The following GLDC variants were observed in gnomAD, a reference collection of about 807,000 sequenced individuals.
GLDC encodes glycine dehydrogenase (decarboxylating), mitochondrial.
Under a neutral mutation model 121.3 loss-of-function variants are expected in GLDC, and 104 were observed. The ratio of observed to expected loss-of-function variants is 0.86; its 90% CI spans 0.73 to 1.01. GLDC has a LOEUF of 1.01. GLDC is among the 50% of genes least tolerant of loss of function. The pLI, the probability that GLDC is intolerant of heterozygous loss-of-function variation, is 0.00. For missense variants in GLDC, 1,429 were observed against 1,306.6 expected, an observed-to-expected ratio of 1.09 and a Z score of -1.44; for synonymous variants, 546 against 480.6, an observed-to-expected ratio of 1.14 and a Z score of -1.78.
At chr9:6,538,086 C>G (rs1410639701) in intron 22 of GLDC, among the ~76,000 whole-genome samples, 1 of 151,878 alleles carries the variant, frequency 6.6e-6, no homozygotes. Flanking sequence ...AATGCATACA[C>G]CTTTGTCACT....
At chr9:6,594,928 T>C (rs112227891) in intron 9 of GLDC, 86 bp downstream of exon 9, 5 of 825,386 alleles carry the variant, frequency 6.1e-6, no homozygotes, top group East Asian at 4.8e-5. Flanking sequence ...ATTTTGCATA[T>C]AGTATTGGAC....
chr9:6,544,855 T>G (rs1481341681), intron 21 of GLDC, among the ~76,000 whole-genome samples: 1 of 152,140 alleles, frequency 6.6e-6, no homozygotes, highest in East Asian at 1.9e-4. Flanking sequence ...ATCCCAGCAC[T>G]TTGGGAGGCC....
intron 2 of GLDC, among the ~76,000 whole-genome samples, chr9:6,628,057 T>G (rs1819282396): frequency 6.6e-6 from 1 of 152,136 alleles, no homozygotes; most frequent in South Asian, 2.1e-4. Context: ...AACCTGAAAC[T>G]GAACTTCACA....
At chr9:6,539,732 T>A (rs1817216169) in intron 22 of GLDC, among the ~76,000 whole-genome samples, 1 of 152,222 alleles carries the variant, frequency 6.6e-6, no homozygotes, top group African/African-American at 2.4e-5. Context: ...CATTTGTCTC[T>A]ACCACTTCGA....
At chr9:6,607,340 C>T (rs750876371) in intron 4 of GLDC, among the ~76,000 whole-genome samples, 1 of 151,494 alleles carries the variant, frequency 6.6e-6, no homozygotes, top group South Asian at 2.1e-4. Flanking sequence ...CCCAGCACTA[C>T]GGGAGGCCGA....
chr9:6,596,183 C>T lies in GLDC; in HGVS notation c.1156-1064G>A, dbSNP rs369619432. On this transcript the variant is annotated intron_variant, in intron 8 of 24. Coordinates refer to ENST00000321612, the MANE Select transcript of GLDC (RefSeq NM_000170.3). ...ATGCTCATGGCTGTGTTGCTGGAAACAGAAACCCAGGCCTGACATTCACAG... is the reference window on the plus strand; with the variant it reads ...ATGCTCATGGCTGTGTTGCTGGAAATAGAAACCCAGGCCTGACATTCACAG... Among the ~76,000 whole-genome samples the T allele has an allele frequency of 3.9e-5, 6 of 152,300 alleles. No individual in the cohort carries two copies. The East Asian group carries it at 9.7e-4, about 25-fold the overall frequency.
intron 15 of GLDC, among the ~76,000 whole-genome samples, chr9:6,574,648 G>C (rs1215703952): frequency 6.6e-6 from 1 of 152,060 alleles, no homozygotes; most frequent in Non-Finnish European, 1.5e-5. Context: ...GGAAAGAGGA[G>C]TTCCTTCTCA....
chr9:6,542,059 G>C (rs1191439477), intron 21 of GLDC: 1 of 152,156 alleles, frequency 6.6e-6, no homozygotes, highest in African/African-American at 2.4e-5. Flanking sequence ...GGCCAACGTG[G>C]TGAAACCCCA....
At chr9:6,605,900 GT>G (rs1338912349) in intron 5 of GLDC, 8 of 161,714 alleles carry the variant, frequency 4.9e-5, no homozygotes, top group Non-Finnish European at 1.1e-4. Context: ...TGTAAACTAC[GT>G]TTGCAAGGAA....
chr9:6,569,290 T>G (rs1817908351), intron 15 of GLDC: 1 of 152,212 alleles, frequency 6.6e-6, no homozygotes, highest in Admixed American at 6.5e-5. Context: ...AAAAACAAAT[T>G]TTAAAGATTT....
chr9:6,538,417 G>A (rs6477088), intron 22 of GLDC, among the ~76,000 whole-genome samples: 41,742 of 152,134 alleles, frequency 0.27, 6,365 homozygotes, highest in East Asian at 0.49. Flanking sequence ...CAGAAGCTGC[G>A]TGTTAAATAT....
At position 6,553,344 on chromosome 9, in the gene GLDC, C is replaced by T. The variant is rs768260628; in HGVS notation, c.2457+24G>A. On this transcript the variant is annotated intron_variant, in intron 20 of 24. Coordinates refer to ENST00000321612, the MANE Select transcript of GLDC (RefSeq NM_000170.3). ...CCTGACGCCCCCACCCACCTGCACA[C>T]CTGCACATACTCCCAGGCCTCACCT... 6 of 1,612,690 alleles carry T rather than the reference C, an allele frequency of 3.7e-6. No homozygotes were observed. The South Asian group carries it at 6.6e-5, about 18-fold the overall frequency.
intron 21 of GLDC, 44 bp from the exon 22 acceptor site, chr9:6,540,190 T>C: frequency 2.6e-6 from 3 of 1,172,108 alleles, no homozygotes; most frequent in Non-Finnish European, 3.9e-6. Context: ...CATCAGCTTA[T>C]TGTTTTACCC....
intron 15 of GLDC, among the ~76,000 whole-genome samples, chr9:6,586,424 G>T (rs1818273922): frequency 6.6e-6 from 1 of 152,228 alleles, no homozygotes. Flanking sequence ...GATTTTGCTG[G>T]AGGCTGTTGC....
At chr9:6,602,279 C>A in intron 7 of GLDC, 74 bp from the exon 8 acceptor site, 2 of 927,508 alleles carry the variant, frequency 2.2e-6, no homozygotes, top group Non-Finnish European at 1.8e-6. Context: ...AGAATTACTT[C>A]TTTCCTTCCC....
Position 6,533,154 on chromosome 9 carries a change from C to T in GLDC, c.2926G>A (p.Val976Met), listed in dbSNP as rs150624881. 1.8e-4 allele frequency: 298 copies of T among 1,613,586 alleles called. No individual in the cohort carries two copies. The East Asian group carries it at 6.4e-3, about 34-fold the overall frequency. ...REVAAFPLPF[V>M]KPENKFWPTI... is the part of the protein sequence containing the mutation. ...GGCCAGAATTTGTTCTCTGGTTTCA[C>T]GAAGGGCTGCAAAGGACAAAAGATG... The change falls in exon 25 of 25, where the codon GTG becomes ATG. Residue 976 changes from valine to methionine, a missense_variant. Coordinates refer to ENST00000321612, the MANE Select transcript of GLDC (RefSeq NM_000170.3).
chr9:6,576,591 C>T (rs551048433), intron 15 of GLDC, among the ~76,000 whole-genome samples: 161 of 152,218 alleles, frequency 1.1e-3, no homozygotes, highest in African/African-American at 3.6e-3. Context: ...CTCAGCCTCC[C>T]GAGTAGCTGG....
intron 2 of GLDC, among the ~76,000 whole-genome samples, chr9:6,634,817 C>T (rs1225519488): frequency 6.6e-6 from 1 of 152,134 alleles, no homozygotes; most frequent in Non-Finnish European, 1.5e-5. Flanking sequence ...GGAGGCTCCC[C>T]TTCCCTCTCC....
chr9:6,534,618 C>A, intron 24 of GLDC, 90 bp downstream of exon 24: 1 of 742,774 alleles, frequency 1.3e-6, no homozygotes, highest in Non-Finnish European at 2.5e-6. Context: ...CATATGGTTT[C>A]TGTAATCATG....
Sources: allele counts gnomAD v4.1 joint callset (sites outside exome capture counted in the v4.1 genomes callset), GRCh38; gene constraint gnomAD v4.1.1; transcripts MANE v1.5; gene names NCBI Gene and HGNC (gene_info 2026-07-23, HGNC 2026-07-21).